The following FRMPD4 variants were observed in gnomAD, a reference collection of about 807,000 sequenced individuals.
The protein encoded by FRMPD4 is FERM and PDZ domain-containing protein 4.
A neutral mutation model predicts 94.1 loss-of-function variants in FRMPD4; 22 were observed. That is an observed-to-expected ratio of 0.23 (90% CI 0.17 to 0.33). FRMPD4 has a LOEUF of 0.33. Among genes scored for constraint, FRMPD4 ranks in the 10% least tolerant of loss-of-function variants. The pLI, the probability that FRMPD4 is intolerant of heterozygous loss-of-function variation, is 1.00. For missense variants in FRMPD4, 1,111 were observed against 1,339.9 expected (o/e 0.83, Z 2.67); for synonymous variants, 631 against 548.6 (o/e 1.15, Z -2.10).
At chrX:12,278,834 C>A (rs774718161) in intron 1 of FRMPD4, among the ~76,000 whole-genome samples, 4 of 112,049 alleles carry the variant, frequency 3.6e-5, no homozygotes, top group African/African-American at 1.3e-4. Flanking sequence ...TCAAGTGGAA[C>A]AACTCTGTGG....
At chrX:12,273,505 A>C (rs2054385620) in intron 1 of FRMPD4, among the ~76,000 whole-genome samples, 1 of 112,407 alleles carries the variant, frequency 8.9e-6, no homozygotes, top group Non-Finnish European at 1.9e-5. Flanking sequence ...TCAGAAATAA[A>C]ATAATGAAAA....
chrX:12,043,907 G>GT (rs1335822074), intron 3 of FRMPD4, among the ~76,000 whole-genome samples: 5 of 110,727 alleles, frequency 4.5e-5, no homozygotes, highest in African/African-American at 9.8e-5. Flanking sequence ...CAATTTTACT[G>GT]TTTTTTTAGT....
chrX:12,388,769 T>C (rs1161961820), intron 1 of FRMPD4, among the ~76,000 whole-genome samples: 3 of 101,051 alleles, frequency 3.0e-5, no homozygotes, highest in African/African-American at 1.1e-4. Flanking sequence ...AGCCAAGTTA[T>C]GGAATCAACC....
intron 1 of FRMPD4, among the ~76,000 whole-genome samples, chrX:12,252,460 C>T (rs143194630): frequency 0.01 from 1,132 of 112,138 alleles, 10 homozygotes; most frequent in African/African-American, 0.033. Flanking sequence ...TCTTTGAATG[C>T]TACAAACAAT....
chrX:12,424,703 G>A (rs981052415), intron 1 of FRMPD4, among the ~76,000 whole-genome samples: 1 of 112,720 alleles, frequency 8.9e-6, no homozygotes, highest in African/African-American at 3.2e-5. Context: ...ACCACTGACC[G>A]TGTATCTCCC....
chrX:12,344,352 T>C (rs1223599343), intron 1 of FRMPD4, among the ~76,000 whole-genome samples: 1 of 111,405 alleles, frequency 9.0e-6, no homozygotes, highest in Non-Finnish European at 1.9e-5. Flanking sequence ...CTTTCTCTGT[T>C]TTCCAAATCC....
chrX:12,040,959 A>T lies in FRMPD4; in HGVS notation c.95+162941A>T, dbSNP rs193200026. ...TGTTTCAATTCTATTATTAAAAAAA[A>T]TTTCCCCATTGTTTTCTTAGTGGTT... On this transcript the variant is annotated intron_variant, in intron 3 of 18. Transcript: ENST00000640291. Among the ~76,000 whole-genome samples the T allele has an allele frequency of 3.4e-3, 375 of 110,886 alleles. 3 individuals carry two copies. The highest frequency in any genetic ancestry group is 0.012 in the African/African-American group (353 of 30,468).
In FRMPD4 at chrX:12,716,740, G is replaced by T; in HGVS notation, c.2281G>T (p.Val761Leu). ...CGAGGTGAGCTGCGAGGAGGACCTCGTGGTGGGGGAGATGAACCAGCCGGC... is the reference window on the plus strand; with the variant it reads ...CGAGGTGAGCTGCGAGGAGGACCTCTTGGTGGGGGAGATGAACCAGCCGGC... Reference protein sequence around the residue: ...EDEVSCEEDLVVGEMNQPAIL... With the variant: ...EDEVSCEEDLLVGEMNQPAIL... Residue 761 changes from valine to leucine, a missense_variant, in exon 15 of 17, where the codon GTG becomes TTG. Val to Leu is a conservative substitution (Grantham distance 32). Around this residue, in one of 8 missense-constraint regions of FRMPD4, gnomAD observed 192 missense variants for 192.5 expected, o/e 1.00. Transcript: ENST00000675598. 3 of 1,211,558 alleles carry T rather than the reference G, an allele frequency of 2.5e-6. No homozygotes were observed. Among genetic ancestry groups the T allele is most frequent in the Non-Finnish European group, 3.4e-6 (3 of 895,176 alleles).
intron 1 of FRMPD4, among the ~76,000 whole-genome samples, chrX:12,176,900 G>T (rs186620124): frequency 9.4e-4 from 105 of 111,281 alleles, no homozygotes; most frequent in African/African-American, 2.0e-3. Context: ...AGATCCTCGG[G>T]GAGAAAAATG....
chrX:12,166,115 C>T (rs779212542), intron 1 of FRMPD4, among the ~76,000 whole-genome samples: 1 of 111,889 alleles, frequency 8.9e-6, no homozygotes, highest in Non-Finnish European at 1.9e-5. Flanking sequence ...GAGAGGGCAT[C>T]CCTGTCTTGT....
At chrX:12,527,767 T>C (rs2058241315) in intron 2 of FRMPD4, among the ~76,000 whole-genome samples, 1 of 112,030 alleles carries the variant, frequency 8.9e-6, no homozygotes, top group Non-Finnish European at 1.9e-5. Flanking sequence ...GCTACTTTCA[T>C]ATGTTAAGTC....
intron 1 of FRMPD4, among the ~76,000 whole-genome samples, chrX:12,164,740 C>G (rs1246547472): frequency 4.4e-5 from 5 of 112,376 alleles, no homozygotes; most frequent in Non-Finnish European, 9.4e-5. Context: ...GATTGCCATT[C>G]TAACTGGTGT....
chrX:12,402,245 C>T (rs375225250), intron 1 of FRMPD4, among the ~76,000 whole-genome samples: 18 of 107,116 alleles, frequency 1.7e-4, no homozygotes, highest in African/African-American at 4.8e-4. Context: ...TAACCTTCTG[C>T]GCCACCCCCC....
Position 12,717,987 on chromosome X carries a change from C to A in FRMPD4, c.3161C>A (p.Thr1054Lys). ...TTGKKQQGTK[T>K]AEMEEEASGK... ...GGAAAAAAACAGCAGGGGACCAAAA[C>A]GGCAGAGATGGAGGAGGAGGCCAGT... is the stretch of plus-strand genomic sequence containing the variant. Residue 1054 changes from threonine (T) to lysine (K), a missense_variant, in exon 16 of 17, where the codon ACG becomes AAG. Physicochemically the swap from Thr to Lys is moderately conservative, Grantham distance 78. Coordinates refer to ENST00000675598, the MANE Select transcript of FRMPD4 (RefSeq NM_001368397.1). The A allele has an allele frequency of 8.3e-7, 1 of 1,211,752 alleles. No individual in the cohort carries two copies. The highest frequency in any genetic ancestry group is 1.1e-6 in the Non-Finnish European group (1 of 895,253).
chrX:12,652,016 A>C (rs1402506247), intron 4 of FRMPD4, among the ~76,000 whole-genome samples: 1 of 112,484 alleles, frequency 8.9e-6, no homozygotes, highest in East Asian at 2.8e-4. Flanking sequence ...GAATTCCTTT[A>C]GTTATCTCAC....
chrX:12,413,935 C>A (rs1234507372), intron 1 of FRMPD4, among the ~76,000 whole-genome samples: 1 of 112,095 alleles, frequency 8.9e-6, no homozygotes, highest in Non-Finnish European at 1.9e-5. Flanking sequence ...CTTTCAAATT[C>A]ATTTAGTGTC....
At chrX:11,895,003 G>T (rs1044180643) in intron 3 of FRMPD4, among the ~76,000 whole-genome samples, 6 of 112,349 alleles carry the variant, frequency 5.3e-5, no homozygotes, top group African/African-American at 1.9e-4. Context: ...TGTCTAATGA[G>T]GGTTATCAGT....
At position 12,704,344 on chromosome X, in the gene FRMPD4, T is replaced by C. The variant is rs778700560; in HGVS notation, c.1071-15T>C. ...TCACAGAAATGTGAAATTAAAGATA[T>C]GCTCTTTATTGCAGAAAAGAATGGG... is the stretch of plus-strand genomic sequence containing the variant. On this transcript the variant is annotated splice_polypyrimidine_tract_variant and intron_variant, in intron 10 of 16. Coordinates refer to ENST00000675598, the MANE Select transcript of FRMPD4 (RefSeq NM_001368397.1). 1.8e-6 allele frequency: 2 copies of C among 1,116,121 alleles called. No homozygotes were observed. Among genetic ancestry groups the C allele is most frequent in the African/African-American group, 3.7e-5 (2 of 54,224 alleles). 92.0% of individuals were successfully genotyped at this position (1,116,121 alleles called of 1,213,427 possible). A position where few individuals can be genotyped will look rare whatever the true frequency, so the allele number is the denominator to read the frequency against.
intron 1 of FRMPD4, among the ~76,000 whole-genome samples, chrX:12,230,898 C>T (rs1182218829): frequency 1.2e-5 from 1 of 81,908 alleles, no homozygotes; most frequent in African/African-American, 4.6e-5. Flanking sequence ...TATATATATA[C>T]TATATATACT....
Sources: allele counts gnomAD v4.1 joint callset (sites outside exome capture counted in the v4.1 genomes callset), GRCh38; gene constraint gnomAD v4.1.1; regional missense constraint gnomAD v4.1.1; transcripts MANE v1.5; gene names NCBI Gene and HGNC (gene_info 2026-07-23, HGNC 2026-07-21).